The following B3GALT1 variants were observed in gnomAD, a reference collection of about 807,000 sequenced individuals.
The protein encoded by B3GALT1 is UDP-Gal:betaGlcNAc beta 1,3-galactosyltransferase, polypeptide 1.
A neutral mutation model predicts 23.2 loss-of-function variants in B3GALT1; 10 were observed. The ratio of observed to expected loss-of-function variants is 0.43; its 90% CI spans 0.27 to 0.73. B3GALT1 has a LOEUF of 0.73. Ranked by LOEUF, B3GALT1 falls within the 30% of genes least tolerant of loss-of-function variation. The pLI, the probability that B3GALT1 is intolerant of heterozygous loss-of-function variation, is 0.21. For synonymous variants in B3GALT1, 156 were observed against 141.5 expected, an observed-to-expected ratio of 1.10 and a Z score of -0.73; for missense variants, 299 against 405.4, an observed-to-expected ratio of 0.74 and a Z score of 2.25.
intron 1 of B3GALT1, among the ~76,000 whole-genome samples, chr2:167,422,901 G>C (rs766317203): frequency 7.9e-5 from 12 of 152,078 alleles, no homozygotes; most frequent in Admixed American, 7.9e-4. Context: ...TGATCTTTTG[G>C]AGGATATCAT....
In B3GALT1 at chr2:167,611,199, A is replaced by G. The variant is rs187467516; in HGVS notation, c.-409-35710A>G. Among the ~76,000 whole-genome samples the G allele has an allele frequency of 1.4e-3, 213 of 152,168 alleles. 1 individual carries two copies. Among genetic ancestry groups the G allele is most frequent in the Non-Finnish European group, 2.4e-3 (160 of 67,978 alleles). ...AGAACCAGTTATCTGATTAACTTCT[A>G]TTAATTTTTAATTTTTTAAATTATT... On this transcript the variant is annotated intron_variant, in intron 2 of 4. Transcript: ENST00000392690.
At chr2:167,714,950 T>C in intron 3 of B3GALT1, 6 of 1,611,634 alleles carry the variant, frequency 3.7e-6, no homozygotes, top group Non-Finnish European at 5.1e-6. Context: ...ATTCTCACTT[T>C]CAAAATATAT....
intron 3 of B3GALT1, among the ~76,000 whole-genome samples, chr2:167,809,724 G>A (rs13383012): frequency 0.31 from 47,458 of 152,088 alleles, 10,230 homozygotes; most frequent in East Asian, 0.67. Context: ...TAGGCTACTC[G>A]GGGGTCAGGG....
intron 3 of B3GALT1, among the ~76,000 whole-genome samples, chr2:167,657,970 G>A (rs1025629896): frequency 6.6e-6 from 1 of 152,102 alleles, no homozygotes; most frequent in African/African-American, 2.4e-5. Flanking sequence ...TGAGACCAGT[G>A]TGTAGAATTA....
At chr2:167,373,201 A>G (rs1383246132) in intron 1 of B3GALT1, among the ~76,000 whole-genome samples, 1 of 152,168 alleles carries the variant, frequency 6.6e-6, no homozygotes. Flanking sequence ...TTTGTACTGC[A>G]CATCATATTC....
At chr2:167,484,363 G>T (rs1699596701) in intron 1 of B3GALT1, among the ~76,000 whole-genome samples, 1 of 152,160 alleles carries the variant, frequency 6.6e-6, no homozygotes, top group African/African-American at 2.4e-5. Flanking sequence ...GAGTGGCTAA[G>T]GCCCAAGACA....
intron 4 of B3GALT1, among the ~76,000 whole-genome samples, chr2:167,863,253 G>A (rs113780744): frequency 1.3e-5 from 2 of 151,920 alleles, no homozygotes; most frequent in African/African-American, 2.4e-5. Flanking sequence ...CTGTACTCAC[G>A]AAGCTGGATG....
intron 2 of B3GALT1, among the ~76,000 whole-genome samples, chr2:167,593,606 T>C (rs1684721929): frequency 1.3e-5 from 2 of 152,200 alleles, no homozygotes. Context: ...TGTGTGCTTA[T>C]GAAATTTAAA....
At chr2:167,419,843 A>C (rs1244550680) in intron 1 of B3GALT1, among the ~76,000 whole-genome samples, 1 of 152,222 alleles carries the variant, frequency 6.6e-6, no homozygotes, top group Non-Finnish European at 1.5e-5. Context: ...GAGTCTCATA[A>C]TAATATTATT....
chr2:167,810,300 C>T (rs943616381), intron 3 of B3GALT1, among the ~76,000 whole-genome samples: 3 of 150,934 alleles, frequency 2.0e-5, no homozygotes, highest in African/African-American at 7.5e-5. Flanking sequence ...TACCCACTTT[C>T]TGACACTCTC....
intron 3 of B3GALT1, among the ~76,000 whole-genome samples, chr2:167,770,205 C>G (rs1039161650): frequency 6.6e-6 from 1 of 152,308 alleles, no homozygotes; most frequent in African/African-American, 2.4e-5. Context: ...CTTCTGGGTT[C>G]AAGTGATCCT....
chr2:167,498,140 T>G (rs1300272889), intron 2 of B3GALT1, among the ~76,000 whole-genome samples: 1 of 152,196 alleles, frequency 6.6e-6, no homozygotes, highest in Non-Finnish European at 1.5e-5. Context: ...ACACACGCTT[T>G]GGCAAAGTGA....
chr2:167,308,725 G>A (rs1200763283), intron 1 of B3GALT1, among the ~76,000 whole-genome samples: 10 of 151,912 alleles, frequency 6.6e-5, no homozygotes, highest in African/African-American at 2.4e-4. Context: ...AGTTGGCAAT[G>A]GGAAATGACA....
chr2:167,716,238 C>T (rs1687145802), intron 3 of B3GALT1, among the ~76,000 whole-genome samples: 1 of 152,204 alleles, frequency 6.6e-6, no homozygotes, highest in Non-Finnish European at 1.5e-5. Context: ...CCACAGGCCT[C>T]ACAGGCCCGT....
chr2:167,696,296 C>CAA (rs35575073), intron 3 of B3GALT1, among the ~76,000 whole-genome samples: 14,714 of 91,378 alleles, frequency 0.16, 1,711 homozygotes, highest in East Asian at 0.43. Context: ...TGGTAAGAGG[C>CAA]AAAAAAAAAA....
intron 3 of B3GALT1, among the ~76,000 whole-genome samples, chr2:167,702,131 C>T (rs1686890097): frequency 6.6e-6 from 1 of 152,160 alleles, no homozygotes; most frequent in African/African-American, 2.4e-5. Flanking sequence ...CAGTCCTCCA[C>T]CAGAAGTCCT....
At chr2:167,398,971 A>C (rs1478572732) in intron 1 of B3GALT1, among the ~76,000 whole-genome samples, 1 of 152,194 alleles carries the variant, frequency 6.6e-6, no homozygotes, top group African/African-American at 2.4e-5. Context: ...TCATATGCCA[A>C]GACCTTACTG....
At chr2:167,366,013 G>A (rs765620918) in intron 1 of B3GALT1, among the ~76,000 whole-genome samples, 11 of 152,182 alleles carry the variant, frequency 7.2e-5, no homozygotes, top group Non-Finnish European at 1.6e-4. Context: ...CAGAATGAAG[G>A]CAGCAGAATT....
At chr2:167,770,309 G>C (rs1362210720) in intron 3 of B3GALT1, among the ~76,000 whole-genome samples, 1 of 152,108 alleles carries the variant, frequency 6.6e-6, no homozygotes, top group Non-Finnish European at 1.5e-5. Flanking sequence ...TCTAATAGGT[G>C]TATTGTGATA....
Sources: gnomAD v4.1 joint callset for allele counts (sites outside exome capture counted in the v4.1 genomes callset) on GRCh38, gnomAD v4.1.1 for gene constraint, MANE v1.5 for transcripts, NCBI Gene and HGNC (gene_info 2026-07-23, HGNC 2026-07-21) for gene names.